The following GNAQ variants were observed in gnomAD, a reference collection of about 807,000 sequenced individuals.
GNAQ encodes guanine nucleotide-binding protein G(q) subunit alpha.
A neutral mutation model predicts 43.9 loss-of-function variants in GNAQ; 8 were observed. The observed-to-expected ratio is 0.18, with a 90% CI of 0.11 to 0.33. GNAQ has a LOEUF of 0.33. Ranked by LOEUF, GNAQ falls within the 10% of genes least tolerant of loss-of-function variation. The pLI is 1.00. For missense variants in GNAQ, 158 were observed against 450.8 expected (o/e 0.35, Z 5.88); for synonymous variants, 155 against 170.7 (o/e 0.91, Z 0.71).
chr9:77,753,645 G>A (rs1165734720), intron 5 of GNAQ, among the ~76,000 whole-genome samples: 1 of 152,152 alleles, frequency 6.6e-6, no homozygotes, highest in Non-Finnish European at 1.5e-5. Flanking sequence ...AGGAAGTATA[G>A]CATGATAATT....
intron 1 of GNAQ, among the ~76,000 whole-genome samples, chr9:78,010,680 G>GA (rs937209391): frequency 3.3e-5 from 5 of 151,584 alleles, no homozygotes; most frequent in African/African-American, 7.3e-5. Context: ...TGAACAAGAA[G>GA]AAAAAAAATG....
chr9:77,824,144 T>C (rs1827156738), intron 2 of GNAQ, among the ~76,000 whole-genome samples: 1 of 152,184 alleles, frequency 6.6e-6, no homozygotes, highest in Non-Finnish European at 1.5e-5. Context: ...AATATTGACA[T>C]ATTATGTATT....
At chr9:78,014,922 G>A (rs1243918008) in intron 1 of GNAQ, among the ~76,000 whole-genome samples, 1 of 152,138 alleles carries the variant, frequency 6.6e-6, no homozygotes, top group African/African-American at 2.4e-5. Flanking sequence ...ATCGCCTACT[G>A]ACATCGTAGT....
At chr9:77,925,127 C>A (rs1444468539) in intron 1 of GNAQ, among the ~76,000 whole-genome samples, 2 of 152,070 alleles carry the variant, frequency 1.3e-5, no homozygotes, top group Non-Finnish European at 2.9e-5. Context: ...TTGCTTGGCC[C>A]CAGGTTACTG....
At chr9:77,723,899 A>G (rs1018890346) in intron 6 of GNAQ, among the ~76,000 whole-genome samples, 2 of 152,192 alleles carry the variant, frequency 1.3e-5, no homozygotes, top group African/African-American at 2.4e-5. Flanking sequence ...TTGTGCACTT[A>G]AAAATGTTAA....
At chr9:77,900,511 A>G (rs1828585605) in intron 2 of GNAQ, among the ~76,000 whole-genome samples, 1 of 152,090 alleles carries the variant, frequency 6.6e-6, no homozygotes. Context: ...TGCACAGACA[A>G]TTCTTTTATT....
Position 77,721,533 on chromosome 9 carries a change from AG to A in GNAQ, c.890-21del. The A allele has an allele frequency of 6.7e-7, 1 of 1,501,222 alleles. No homozygotes were observed. Among genetic ancestry groups the A allele is most frequent in the Non-Finnish European group, 9.2e-7 (1 of 1,084,556 alleles). 93.0% of individuals were successfully genotyped at this position (1,501,222 alleles called of 1,614,324 possible). On this transcript the variant is annotated intron_variant, in intron 6 of 6. Transcript: ENST00000286548. Reference sequence around the variant, plus strand: ...GGGGTCCTTTCGGCCAAGAGACAAGAGGGACACTTTGTTACCTAATCTGCTA... The same window carrying A: ...GGGGTCCTTTCGGCCAAGAGACAAGAGGACACTTTGTTACCTAATCTGCTA...
rs1827391369 is a variant in GNAQ, at chr9:77,836,666, G to A, written c.322-20896C>T. 2.0e-5 allele frequency among the ~76,000 whole-genome samples: 3 copies of A among 151,974 alleles called. No individual in the cohort carries two copies. In the South Asian group the frequency reaches 6.2e-4, roughly 32 times the overall value. Reference sequence around the variant, plus strand: ...TAAAACAACAAAAACAAAACCACAAGATGTTTAAAAATGGAGAAAAGAATA... The same window carrying A: ...TAAAACAACAAAAACAAAACCACAAAATGTTTAAAAATGGAGAAAAGAATA... On this transcript the variant is annotated intron_variant, in intron 2 of 6. Coordinates refer to ENST00000286548, the MANE Select transcript of GNAQ (RefSeq NM_002072.5).
chr9:78,028,363 TG>T, intron 1 of GNAQ, among the ~76,000 whole-genome samples: 1 of 152,304 alleles, frequency 6.6e-6, no homozygotes, highest in Middle Eastern at 3.4e-3. Flanking sequence ...CTGGCATAGT[TG>T]CCGAATATAA....
chr9:77,851,799 T>C (rs1391618466), intron 2 of GNAQ, among the ~76,000 whole-genome samples: 5 of 152,212 alleles, frequency 3.3e-5, no homozygotes, highest in Non-Finnish European at 5.9e-5. Context: ...AAAGACCCCT[T>C]TTCTTTACAG....
intron 2 of GNAQ, among the ~76,000 whole-genome samples, chr9:77,853,320 T>C (rs934780927): frequency 4.6e-5 from 7 of 152,174 alleles, no homozygotes; most frequent in African/African-American, 1.7e-4. Context: ...TAAGAGTAGT[T>C]ATCTCAAAGG....
At chr9:77,768,962 A>C (rs1364772288) in intron 5 of GNAQ, among the ~76,000 whole-genome samples, 1 of 152,230 alleles carries the variant, frequency 6.6e-6, no homozygotes, top group Admixed American at 6.5e-5. Context: ...GCTAGCACTG[A>C]GAATTCCTTA....
intron 2 of GNAQ, among the ~76,000 whole-genome samples, chr9:77,820,982 C>T (rs1827104492): frequency 6.6e-6 from 1 of 151,986 alleles, no homozygotes; most frequent in Non-Finnish European, 1.5e-5. Context: ...ATTATTTCAA[C>T]AAATATTTAT....
rs1825246254 is a variant in GNAQ at position 77,717,618 on chromosome 9, A to C, written c.*3705T>G. 1 of 232,286 alleles carries C rather than the reference A, an allele frequency of 4.3e-6. No individual in the cohort carries two copies. The highest frequency in any genetic ancestry group is 1.8e-4 in the South Asian group (1 of 5,524). 14.4% of individuals were successfully genotyped at this position (232,286 alleles called of 1,614,324 possible). ...AATTTACAATCATGTGGCAGTATAAATTTTAAAATTACAGTTCGTACACTT... is the reference window on the plus strand; with the variant it reads ...AATTTACAATCATGTGGCAGTATAACTTTTAAAATTACAGTTCGTACACTT... On this transcript the variant is annotated 3_prime_UTR_variant, in exon 7 of 7. Transcript: ENST00000286548.
chr9:77,760,314 C>T (rs1164283233), intron 5 of GNAQ, among the ~76,000 whole-genome samples: 4 of 152,026 alleles, frequency 2.6e-5, no homozygotes, highest in Admixed American at 2.6e-4. Context: ...CTGCCTGATT[C>T]TCCTGCCTCA....
At chr9:77,906,368 A>G (rs1022274348) in intron 2 of GNAQ, among the ~76,000 whole-genome samples, 2 of 152,228 alleles carry the variant, frequency 1.3e-5, no homozygotes, top group Non-Finnish European at 2.9e-5. Flanking sequence ...ACGACGTGGT[A>G]AAAACAGGCA....
intron 2 of GNAQ, among the ~76,000 whole-genome samples, chr9:77,906,614 C>G (rs554849660): frequency 6.6e-6 from 1 of 152,318 alleles, no homozygotes; most frequent in African/African-American, 2.4e-5. Flanking sequence ...TACTCTCTTA[C>G]TTATTAACTG....
intron 2 of GNAQ, among the ~76,000 whole-genome samples, chr9:77,894,338 T>TAATATATATTTAATAGAAAATATATAA (rs74207105): frequency 4.0e-4 from 4 of 9,962 alleles, no homozygotes; most frequent in Admixed American, 1.9e-3. Context: ...AAAATATATA[T>TAATATATATTTAATAGAAAATATATAA]TATATATATT....
Position 77,996,682 on chromosome 9 carries a change from AAAAAAAAAAAAAAAGAAAAAAG to A in GNAQ, c.136+34396_136+34417del, listed in dbSNP as rs1469712328. On this transcript the variant is annotated intron_variant, in intron 1 of 6. Coordinates refer to ENST00000286548, the MANE Select transcript of GNAQ (RefSeq NM_002072.5). ...AACAGAGCGAGACTCCATCTCAAAAAAAAAAAAAAAAAAAGAAAAAAGAAAAAAAGAAAAACAAATGCAATAG... is the reference window on the plus strand; with the variant it reads ...AACAGAGCGAGACTCCATCTCAAAAAAAAAAAAGAAAAACAAATGCAATAG... Among the ~76,000 whole-genome samples, 18 of 87,462 alleles carry A rather than the reference AAAAAAAAAAAAAAAGAAAAAAG, an allele frequency of 2.1e-4. No homozygotes were observed. In the South Asian group the frequency reaches 9.4e-3, roughly 45 times the overall value. The allele number at this position is 87,462 out of a possible 152,430, so 57.4% of individuals were successfully genotyped here. A position where few individuals can be genotyped will look rare whatever the true frequency, so the allele number is the denominator to read the frequency against.
Sources: allele counts gnomAD v4.1 joint callset (sites outside exome capture counted in the v4.1 genomes callset), GRCh38; gene constraint gnomAD v4.1.1; transcripts MANE v1.5; gene names NCBI Gene and HGNC (gene_info 2026-07-23, HGNC 2026-07-21).